The following SULT1B1 variants were observed in gnomAD, a reference collection of about 807,000 sequenced individuals.
The protein encoded by SULT1B1 is sulfotransferase family 1B member 1.
SULT1B1 carries 28 observed loss-of-function variants against 34.6 expected under a neutral mutation model. The ratio of observed to expected loss-of-function variants is 0.81; its 90% CI spans 0.60 to 1.11. The LOEUF is 1.11. SULT1B1 is among the 50% of genes least tolerant of loss of function. The pLI is 0.00. For synonymous variants in SULT1B1, 147 were observed against 110.2 expected (o/e 1.33, Z -2.09); for missense variants, 374 against 352.2 (o/e 1.06, Z -0.50).
chr4:69,742,293 G>T (rs987552323), intron 4 of SULT1B1, among the ~76,000 whole-genome samples: 1 of 152,070 alleles, frequency 6.6e-6, no homozygotes, highest in East Asian at 1.9e-4. Context: ...GAGGATTTTA[G>T]CATCTATGTC....
chr4:69,750,543 C>T (rs1459510674), intron 3 of SULT1B1, among the ~76,000 whole-genome samples: 1 of 152,234 alleles, frequency 6.6e-6, no homozygotes, highest in Non-Finnish European at 1.5e-5. Context: ...GATAATCTTA[C>T]ATAATCTTGC....
At chr4:69,741,545 C>T (rs1718553589) in intron 4 of SULT1B1, among the ~76,000 whole-genome samples, 1 of 152,068 alleles carries the variant, frequency 6.6e-6, no homozygotes, top group Non-Finnish European at 1.5e-5. Context: ...TAGTTTTTGT[C>T]ATTTCTGGTT....
chr4:69,751,674 G>C (rs147551360), intron 3 of SULT1B1, among the ~76,000 whole-genome samples: 17 of 152,060 alleles, frequency 1.1e-4, no homozygotes, highest in Admixed American at 4.6e-4. Flanking sequence ...GGACTGTCTC[G>C]ATCTCCTGAC....
At chr4:69,747,860 C>T (rs770761020) in intron 4 of SULT1B1, among the ~76,000 whole-genome samples, 12 of 152,072 alleles carry the variant, frequency 7.9e-5, no homozygotes, top group Non-Finnish European at 1.6e-4. Flanking sequence ...CAAACCTATG[C>T]AGGATTCCTA....
At chr4:69,756,693 A>T (rs931072627) in intron 1 of SULT1B1, among the ~76,000 whole-genome samples, 4 of 152,110 alleles carry the variant, frequency 2.6e-5, no homozygotes, top group African/African-American at 4.8e-5. Context: ...GAGCTAAACC[A>T]TCAGCTCTAC....
At chr4:69,749,696 A>T in intron 4 of SULT1B1, 25 bp downstream of exon 4, 1 of 1,563,104 alleles carries the variant, frequency 6.4e-7, no homozygotes, top group Non-Finnish European at 8.8e-7. Flanking sequence ...CATACTAAAA[A>T]ACTGACATGG....
intron 4 of SULT1B1, among the ~76,000 whole-genome samples, chr4:69,747,044 C>A (rs1346971562): frequency 2.6e-5 from 4 of 152,128 alleles, no homozygotes; most frequent in Admixed American, 1.3e-4. Context: ...TGTTCTCTGG[C>A]CCCTTGAGGT....
Position 69,726,033 on chromosome 4 carries a change from CAT to C in SULT1B1, c.*1053_*1054del, listed in dbSNP as rs756017821. 0.037 allele frequency: 1,074 copies of C among 28,740 alleles called. 12 individuals are homozygous for C. The highest frequency in any genetic ancestry group is 0.056 in the Non-Finnish European group (664 of 11,882). 1.8% of individuals were successfully genotyped at this position (28,740 alleles called of 1,614,324 possible). A position where few individuals can be genotyped will look rare whatever the true frequency, so the allele number is the denominator to read the frequency against. ...ACTTAAAGTATAATAATAAAATGTA[CAT>C]ATATATATATATATATATATATATA... is the stretch of plus-strand genomic sequence containing the variant. On this transcript the variant is annotated 3_prime_UTR_variant, in exon 8 of 8. Transcript: ENST00000310613.
At chr4:69,758,863 A>G (rs1719290200) in intron 1 of SULT1B1, among the ~76,000 whole-genome samples, 1 of 152,182 alleles carries the variant, frequency 6.6e-6, no homozygotes, top group Admixed American at 6.5e-5. Context: ...AAATTGATTT[A>G]CAGTTTCTAT....
At chr4:69,733,028 C>T (rs942582110) in intron 6 of SULT1B1, among the ~76,000 whole-genome samples, 28 of 151,958 alleles carry the variant, frequency 1.8e-4, no homozygotes, top group Non-Finnish European at 4.0e-4. Context: ...ATGATTAGCA[C>T]ATAAATAGTT....
chr4:69,752,782 C>G (rs1719027195), intron 3 of SULT1B1, among the ~76,000 whole-genome samples: 1 of 152,210 alleles, frequency 6.6e-6, no homozygotes, highest in Non-Finnish European at 1.5e-5. Context: ...GGATATTTCT[C>G]TTCACATTGG....
chr4:69,748,617 T>C (rs944880450), intron 4 of SULT1B1, among the ~76,000 whole-genome samples: 8 of 152,144 alleles, frequency 5.3e-5, no homozygotes, highest in African/African-American at 1.9e-4. Context: ...TAGAACAAGA[T>C]GAACCATAAG....
chr4:69,753,223 T>C (rs1241686764), intron 3 of SULT1B1, among the ~76,000 whole-genome samples: 1 of 152,210 alleles, frequency 6.6e-6, no homozygotes, highest in Admixed American at 6.5e-5. Context: ...TACTTTTCCT[T>C]GCAAGCGAAT....
In SULT1B1 at chr4:69,751,723, A is replaced by G. The variant is rs557102644; in HGVS notation, c.278-1905T>C. On this transcript the variant is annotated intron_variant, in intron 3 of 7. Coordinates refer to ENST00000310613, the MANE Select transcript of SULT1B1 (RefSeq NM_014465.4). ...CGCCTCGACCTCCCAAAGTGCTGGG[A>G]TTACAGGCGTGAGCCACCGCGCCCG... 1.3e-3 allele frequency among the ~76,000 whole-genome samples: 199 copies of G among 152,322 alleles called. 1 individual carries two copies. The highest frequency in any genetic ancestry group is 4.3e-3 in the African/African-American group (180 of 41,584).
chr4:69,744,019 C>T (rs569687124), intron 4 of SULT1B1, among the ~76,000 whole-genome samples: 5 of 152,174 alleles, frequency 3.3e-5, no homozygotes, highest in East Asian at 3.9e-4. Flanking sequence ...CCATTACTTG[C>T]GCTGCTGTAA....
At chr4:69,730,405 G>T in intron 7 of SULT1B1, 96 bp downstream of exon 7, 1 of 1,155,316 alleles carries the variant, frequency 8.7e-7, no homozygotes, top group Non-Finnish European at 1.2e-6. Flanking sequence ...GCTTAAACAG[G>T]CTAAGAAACT....
Position 69,730,758 on chromosome 4 carries a change from T to G in SULT1B1, c.598-77A>C, listed in dbSNP as rs531711944. 4 of 1,348,534 alleles carry G rather than the reference T, an allele frequency of 3.0e-6. No homozygotes were observed. The African/African-American group carries it at 4.4e-5, about 15-fold the overall frequency. The allele number at this position is 1,348,534 out of a possible 1,614,324, so 83.5% of individuals were successfully genotyped here. A position where few individuals can be genotyped will look rare whatever the true frequency, so the allele number is the denominator to read the frequency against. On this transcript the variant is annotated intron_variant, in intron 6 of 7. Coordinates refer to ENST00000310613, the MANE Select transcript of SULT1B1 (RefSeq NM_014465.4). ...ATATTTATAAAACATTTATAATCCG[T>G]TTTTTTAAATGTTGACTCTGAATAG...
intron 4 of SULT1B1, among the ~76,000 whole-genome samples, chr4:69,743,486 C>A (rs777373332): frequency 1.4e-4 from 21 of 152,300 alleles, no homozygotes; most frequent in Non-Finnish European, 2.6e-4. Context: ...TCCACAGGAC[C>A]AGCAGCCCAG....
At chr4:69,746,039 C>T (rs2110026524) in intron 4 of SULT1B1, among the ~76,000 whole-genome samples, 1 of 152,352 alleles carries the variant, frequency 6.6e-6, no homozygotes, top group Admixed American at 6.5e-5. Context: ...GGCCCTCAAT[C>T]TCTTCCAACT....
Sources: gnomAD v4.1 joint callset for allele counts (sites outside exome capture counted in the v4.1 genomes callset) on GRCh38, gnomAD v4.1.1 for gene constraint, MANE v1.5 for transcripts, NCBI Gene and HGNC (gene_info 2026-07-23, HGNC 2026-07-21) for gene names.